The following PRDM6 variants were observed in gnomAD, a reference collection of about 807,000 sequenced individuals.
PRDM6 encodes the protein putative histone-lysine N-methyltransferase PRDM6.
A neutral mutation model predicts 60.8 loss-of-function variants in PRDM6; 25 were observed. The ratio of observed to expected loss-of-function variants is 0.41; its 90% CI spans 0.30 to 0.57. PRDM6 has a LOEUF of 0.57. Ranked by LOEUF, PRDM6 falls within the 20% of genes least tolerant of loss-of-function variation. PRDM6 has a pLI of 0.27. For missense variants in PRDM6, 839 were observed against 821.3 expected, an observed-to-expected ratio of 1.02 and a Z score of -0.26; for synonymous variants, 407 against 357.4, an observed-to-expected ratio of 1.14 and a Z score of -1.57.
rs59702765 is a variant in PRDM6 at position 123,129,024 on chromosome 5, G to A, written c.901-26860G>A. ...AGCACCATTTATTAAATAGGGAATC[G>A]TTTCCCCATTTCTTATTTTTGTCAG... On this transcript the variant is annotated intron_variant, in intron 3 of 7. Coordinates refer to ENST00000407847, the MANE Select transcript of PRDM6 (RefSeq NM_001136239.4). Among the ~76,000 whole-genome samples, 462 of 152,224 alleles carry A rather than the reference G, an allele frequency of 3.0e-3. 3 individuals are homozygous for A. The highest frequency in any genetic ancestry group is 0.011 in the African/African-American group (441 of 41,560).
intron 3 of PRDM6, among the ~76,000 whole-genome samples, chr5:123,145,396 A>T (rs966976390): frequency 1.4e-4 from 22 of 152,212 alleles, no homozygotes; most frequent in African/African-American, 5.1e-4. Flanking sequence ...GCTGGCACAC[A>T]GTAGCTGCTT....
At chr5:123,145,263 A>C (rs886631971) in intron 3 of PRDM6, among the ~76,000 whole-genome samples, 1 of 152,186 alleles carries the variant, frequency 6.6e-6, no homozygotes, top group Non-Finnish European at 1.5e-5. Flanking sequence ...GAAAATCTAC[A>C]GATTTGGTAC....
At chr5:123,124,243 T>C (rs1764646185) in intron 3 of PRDM6, among the ~76,000 whole-genome samples, 1 of 152,184 alleles carries the variant, frequency 6.6e-6, no homozygotes, top group African/African-American at 2.4e-5. Context: ...AATCTGGTGG[T>C]ATTCTAAATA....
At chr5:123,152,711 G>A (rs923859485) in intron 3 of PRDM6, among the ~76,000 whole-genome samples, 3 of 152,186 alleles carry the variant, frequency 2.0e-5, no homozygotes, top group East Asian at 3.8e-4. Flanking sequence ...TTGTTGTAAC[G>A]TGCAACCCTG....
rs189278688 is a variant in PRDM6 at position 123,140,699 on chromosome 5, A to G, written c.901-15185A>G. On this transcript the variant is annotated intron_variant, in intron 3 of 7. Transcript: ENST00000407847. ...GGCTATGAATTTTTGCTTTCCGATGAAATTGTTACAAAGTAAATGTCTGAA... is the reference window on the plus strand; with the variant it reads ...GGCTATGAATTTTTGCTTTCCGATGGAATTGTTACAAAGTAAATGTCTGAA... Among the ~76,000 whole-genome samples, 8 of 152,238 alleles carry G rather than the reference A, an allele frequency of 5.3e-5. No individual in the cohort carries two copies. In the East Asian group the frequency reaches 1.5e-3, roughly 29 times the overall value.
At chr5:123,095,490 C>T (rs889061533) in intron 2 of PRDM6, among the ~76,000 whole-genome samples, 88 of 152,348 alleles carry the variant, frequency 5.8e-4, no homozygotes, top group African/African-American at 2.0e-3. Context: ...CCCGGCTCCC[C>T]AGCCCCCACG....
intron 5 of PRDM6, among the ~76,000 whole-genome samples, chr5:123,169,210 T>G (rs1765829468): frequency 6.6e-6 from 1 of 152,206 alleles, no homozygotes; most frequent in Non-Finnish European, 1.5e-5. Flanking sequence ...GATATAGTAG[T>G]TAAAATAAAA....
Position 123,191,732 on chromosome 5 carries a change from A to C in PRDM6, c.*4531A>C, listed in dbSNP as rs567160713. The C allele has an allele frequency of 9.2e-5, 14 of 152,278 alleles. No homozygotes were observed. Among genetic ancestry groups the C allele is most frequent in the African/African-American group, 3.4e-4 (14 of 41,546 alleles). 9.4% of individuals were successfully genotyped at this position (152,278 alleles called of 1,614,324 possible). On this transcript the variant is annotated 3_prime_UTR_variant, in exon 8 of 8. Coordinates refer to ENST00000407847, the MANE Select transcript of PRDM6 (RefSeq NM_001136239.4). Reference sequence around the variant, plus strand: ...TTCTCCCCTCACTAGCATTTATCTGAACTACCACAAAACAACAACGCAGGT... The same window carrying C: ...TTCTCCCCTCACTAGCATTTATCTGCACTACCACAAAACAACAACGCAGGT...
intron 3 of PRDM6, among the ~76,000 whole-genome samples, chr5:123,120,650 C>G (rs536458283): frequency 8.5e-5 from 13 of 152,248 alleles, no homozygotes; most frequent in African/African-American, 3.1e-4. Context: ...TGCCTATGGG[C>G]ATGTAGTATG....
rs961194860 is a variant in PRDM6 at position 123,090,591 on chromosome 5, A to G, written c.577A>G (p.Ser193Gly). The change falls in exon 2 of 8, where the codon AGC (serine) becomes GGC (glycine). Residue 193 changes from serine to glycine, a missense_variant. By Grantham distance (56) the Ser-to-Gly change is moderately conservative. This residue lies in a region of PRDM6 where 730 missense variants were observed against 648.8 expected (regional missense o/e 1.13). Coordinates refer to ENST00000407847, the MANE Select transcript of PRDM6 (RefSeq NM_001136239.4). ...GATCATCCCGCTCAACCAGCACACC[A>G]GCGACCCCAACAACCGTACGTAGCC... The part of the protein sequence containing the change: ...MEIIPLNQHT[S>G]DPNNRCDMCA... 1.6e-5 allele frequency: 25 copies of G among 1,522,444 alleles called. No individual in the cohort carries two copies. The highest frequency in any genetic ancestry group is 1.9e-5 in the Non-Finnish European group (22 of 1,142,368). The allele number at this position is 1,522,444 out of a possible 1,614,324, so 94.3% of individuals were successfully genotyped here.
intron 6 of PRDM6, among the ~76,000 whole-genome samples, chr5:123,176,331 TG>T (rs1244620257): frequency 7.2e-6 from 1 of 138,524 alleles, no homozygotes; most frequent in Non-Finnish European, 1.6e-5. Flanking sequence ...ACTGTCCTTT[TG>T]TGAGGCATAC....
intron 2 of PRDM6, among the ~76,000 whole-genome samples, chr5:123,092,689 G>A (rs1763868531): frequency 6.6e-6 from 1 of 152,190 alleles, no homozygotes; most frequent in Non-Finnish European, 1.5e-5. Context: ...GGAAAAGACA[G>A]AAGGGAAAGA....
intron 5 of PRDM6, among the ~76,000 whole-genome samples, chr5:123,167,671 G>A (rs899674694): frequency 2.6e-5 from 4 of 152,198 alleles, no homozygotes; most frequent in African/African-American, 9.6e-5. Context: ...TTACAGGCGT[G>A]AGCCACCACA....
chr5:123,133,437 T>G (rs929549717), intron 3 of PRDM6, among the ~76,000 whole-genome samples: 1 of 152,012 alleles, frequency 6.6e-6, no homozygotes, highest in Non-Finnish European at 1.5e-5. Flanking sequence ...TTATTACACA[T>G]TCCTGAAAAA....
intron 6 of PRDM6, among the ~76,000 whole-genome samples, chr5:123,171,916 TAAGA>T (rs1361524867): frequency 1.1e-4 from 16 of 152,222 alleles, no homozygotes; most frequent in African/African-American, 3.9e-4. Flanking sequence ...ATTAATTCAA[TAAGA>T]AAGGATTGCT....
intron 3 of PRDM6, among the ~76,000 whole-genome samples, chr5:123,145,357 GT>G (rs1765216636): frequency 6.6e-6 from 1 of 152,260 alleles, no homozygotes; most frequent in East Asian, 1.9e-4. Flanking sequence ...TGGGTCTTAG[GT>G]TTTTAATGCT....
At chr5:123,117,859 T>C (rs147973523) in intron 3 of PRDM6, among the ~76,000 whole-genome samples, 376 of 152,362 alleles carry the variant, frequency 2.5e-3, no homozygotes, top group Middle Eastern at 0.014. Flanking sequence ...ATGGGCGCAG[T>C]TCCGATTTTG....
chr5:123,162,279 G>A (rs1436408295), intron 5 of PRDM6, among the ~76,000 whole-genome samples: 3 of 152,194 alleles, frequency 2.0e-5, no homozygotes, highest in African/African-American at 7.2e-5. Flanking sequence ...TTGGAGTAGA[G>A]CATTTTTGGG....
chr5:123,090,138 G>A lies in PRDM6; in HGVS notation c.124G>A (p.Gly42Ser). Reference protein sequence around the residue: ...AGPLKGSGAAGLLSAPQPLQP... With the variant: ...AGPLKGSGAASLLSAPQPLQP... ...CCCGCTCAAGGGCAGCGGCGCCGCG[G>A]GTCTCCTGAGCGCGCCGCAGCCTCT... Residue 42 changes from glycine (G) to serine (S), a missense_variant, in exon 2 of 8, where the codon GGT becomes AGT. By Grantham distance (56) the Gly-to-Ser change is moderately conservative (BLOSUM62 0). Coordinates refer to ENST00000407847, the MANE Select transcript of PRDM6 (RefSeq NM_001136239.4). The A allele has an allele frequency of 3.3e-6, 5 of 1,534,932 alleles. No homozygotes were observed. Among genetic ancestry groups the A allele is most frequent in the Non-Finnish European group, 4.4e-6 (5 of 1,140,782 alleles).
Sources: allele counts gnomAD v4.1 joint callset (sites outside exome capture counted in the v4.1 genomes callset), GRCh38; gene constraint gnomAD v4.1.1; regional missense constraint gnomAD v4.1.1; transcripts MANE v1.5; gene names NCBI Gene and HGNC (gene_info 2026-07-23, HGNC 2026-07-21).